Variants in IGSF21 observed in about 807,000 individuals in gnomAD.
IGSF21 encodes the protein immunoglobulin superfamily member 21.
Under a neutral mutation model 46.8 loss-of-function variants are expected in IGSF21, and 28 were observed. That is an observed-to-expected ratio of 0.60 (90% confidence interval 0.44 to 0.82). The LOEUF (loss-of-function observed/expected upper bound fraction) is 0.82, where lower values mean the gene tolerates loss of function less well. Ranked by LOEUF, IGSF21 falls within the 40% of genes least tolerant of loss-of-function variation. The pLI is 0.00. For synonymous variants in IGSF21, 284 were observed against 273.6 expected (o/e 1.04, Z -0.38); for missense variants, 624 against 665.5 (o/e 0.94, Z 0.69).
At chr1:18,181,084 C>T (rs915304662) in intron 1 of IGSF21, among the ~76,000 whole-genome samples, 5 of 152,174 alleles carry the variant, frequency 3.3e-5, no homozygotes, top group African/African-American at 1.2e-4. Context: ...ATCCAGGCTT[C>T]CCACCAGGGA....
intron 3 of IGSF21, among the ~76,000 whole-genome samples, chr1:18,321,936 A>G (rs2085605484): frequency 6.6e-6 from 1 of 152,210 alleles, no homozygotes; most frequent in Non-Finnish European, 1.5e-5. Context: ...GCCGGGTGAC[A>G]ATAACAACAC....
rs566717699 is a variant in IGSF21 at position 18,294,743 on chromosome 1, G to A, written c.305+2756G>A. Among the ~76,000 whole-genome samples the A allele has an allele frequency of 2.1e-4, 32 of 152,338 alleles. No individual in the cohort carries two copies. In the South Asian group the frequency reaches 5.6e-3, roughly 27 times the overall value. On this transcript the variant is annotated intron_variant, in intron 3 of 9. Transcript: ENST00000251296. ...AAAGAACACCCCAGGGAGCTGAGCC[G>A]TCCTGTTTGGTGACCACCAAGGGAG...
At chr1:18,352,850 C>T (rs1286930574) in intron 4 of IGSF21, among the ~76,000 whole-genome samples, 1 of 152,212 alleles carries the variant, frequency 6.6e-6, no homozygotes, top group Non-Finnish European at 1.5e-5. Context: ...CCCTGCAGAG[C>T]AGAGGCGGTG....
At chr1:18,243,591 A>G (rs890020102) in intron 2 of IGSF21, among the ~76,000 whole-genome samples, 1 of 152,140 alleles carries the variant, frequency 6.6e-6, no homozygotes, top group African/African-American at 2.4e-5. Flanking sequence ...AAATCAGAAC[A>G]GTCTTATCAT....
chr1:18,253,492 C>A (rs1194527480), intron 2 of IGSF21, among the ~76,000 whole-genome samples: 1 of 152,196 alleles, frequency 6.6e-6, no homozygotes, highest in Admixed American at 6.5e-5. Flanking sequence ...CCCAGAGAAC[C>A]CCCAGGCTGG....
intron 1 of IGSF21, among the ~76,000 whole-genome samples, chr1:18,199,380 G>T (rs2124481690): frequency 6.6e-6 from 1 of 152,254 alleles, no homozygotes; most frequent in African/African-American, 2.4e-5. Context: ...GATGCACCTG[G>T]CTCAGAGTAA....
intron 1 of IGSF21, among the ~76,000 whole-genome samples, chr1:18,180,773 G>T (rs930954041): frequency 7.9e-5 from 12 of 152,168 alleles, no homozygotes; most frequent in Non-Finnish European, 4.4e-5. Context: ...CTCATTTAAG[G>T]CTTATACAAC....
intron 8 of IGSF21, 115 bp downstream of exon 8, chr1:18,377,107 C>G: frequency 8.8e-7 from 1 of 1,136,928 alleles, no homozygotes; most frequent in East Asian, 2.6e-5. Context: ...CTAAATCTCC[C>G]AAATTTGCCC....
intron 1 of IGSF21, among the ~76,000 whole-genome samples, chr1:18,170,145 A>G (rs1306432452): frequency 6.6e-6 from 1 of 152,174 alleles, no homozygotes; most frequent in African/African-American, 2.4e-5. Flanking sequence ...AGGGAGCCAC[A>G]TGGGCAAAGG....
chr1:18,231,922 CGTGTGTGTGTGTGTGTGT>C (rs150869622), intron 2 of IGSF21, among the ~76,000 whole-genome samples: 2 of 136,436 alleles, frequency 1.5e-5, no homozygotes, highest in South Asian at 2.7e-4. Context: ...ATCATTAGAT[CGTGTGTGTGTGTGTGTGT>C]GTGTGTGTGT....
rs574762901 is a variant in IGSF21 at position 18,236,174 on chromosome 1, G to T, written c.183+8164G>T. ...GTAATAATTTCCATGTGTCAAGGGT[G>T]GGGCCAGGTGGAGATAATTGAATCA... On this transcript the variant is annotated intron_variant, in intron 2 of 9. Coordinates refer to ENST00000251296, the MANE Select transcript of IGSF21 (RefSeq NM_032880.5). Among the ~76,000 whole-genome samples the T allele has an allele frequency of 1.7e-3, 258 of 152,282 alleles. 3 individuals are homozygous for T. The highest frequency in any genetic ancestry group is 6.0e-3 in the African/African-American group (250 of 41,550).
chr1:18,179,914 C>T (rs974539658), intron 1 of IGSF21, among the ~76,000 whole-genome samples: 1 of 152,326 alleles, frequency 6.6e-6, no homozygotes, highest in South Asian at 2.1e-4. Context: ...CAAAAGCCTC[C>T]AAGCAAAAGG....
chr1:18,196,736 C>T (rs1236055216), intron 1 of IGSF21, among the ~76,000 whole-genome samples: 2 of 152,140 alleles, frequency 1.3e-5, no homozygotes, highest in East Asian at 1.9e-4. Context: ...AAGTGACTTG[C>T]CCAAGGTCAC....
At chr1:18,152,768 G>A (rs151309343) in intron 1 of IGSF21, among the ~76,000 whole-genome samples, 7 of 152,276 alleles carry the variant, frequency 4.6e-5, no homozygotes, top group African/African-American at 1.7e-4. Flanking sequence ...CAGCTCCCCA[G>A]TTCCTAGTGC....
At chr1:18,253,758 C>T (rs2084864499) in intron 2 of IGSF21, among the ~76,000 whole-genome samples, 1 of 152,170 alleles carries the variant, frequency 6.6e-6, no homozygotes, top group Non-Finnish European at 1.5e-5. Flanking sequence ...CAGGAACAAC[C>T]CCGCACAGTC....
At chr1:18,182,533 A>G (rs918499709) in intron 1 of IGSF21, among the ~76,000 whole-genome samples, 1 of 152,142 alleles carries the variant, frequency 6.6e-6, no homozygotes, top group Non-Finnish European at 1.5e-5. Context: ...AACCTGTGGC[A>G]TATGTCACAA....
At chr1:18,115,842 G>GAAGAAAGAAAGAAAGA (rs1175457174) in intron 1 of IGSF21, 4 of 87,766 alleles carry the variant, frequency 4.6e-5, no homozygotes, top group South Asian at 4.3e-4. Context: ...AGGAAGGAAG[G>GAAGAAAGAAAGAAAGA]AAGAAAGAAA....
chr1:18,308,410 G>A (rs1160898887), intron 3 of IGSF21, among the ~76,000 whole-genome samples: 1 of 152,140 alleles, frequency 6.6e-6, no homozygotes, highest in Non-Finnish European at 1.5e-5. Flanking sequence ...CAAGTGCGGC[G>A]GGATGATTGG....
intron 2 of IGSF21, among the ~76,000 whole-genome samples, chr1:18,274,148 T>A (rs1326752911): frequency 6.6e-6 from 1 of 152,206 alleles, no homozygotes; most frequent in Admixed American, 6.5e-5. Context: ...AGATACACGG[T>A]GTTGGGCAAA....
Sources: gnomAD v4.1 joint callset for allele counts (sites outside exome capture counted in the v4.1 genomes callset) on GRCh38, gnomAD v4.1.1 for gene constraint, MANE v1.5 for transcripts, NCBI Gene and HGNC (gene_info 2026-07-23, HGNC 2026-07-21) for gene names.